ITGB8: variants seen among roughly 807,000 people sequenced by gnomAD.
ITGB8 encodes the protein integrin subunit beta 8.
ITGB8 carries 30 observed loss-of-function variants against 89.5 expected under a neutral mutation model. The ratio of observed to expected loss-of-function variants is 0.34; its 90% confidence interval spans 0.25 to 0.45. The LOEUF (loss-of-function observed/expected upper bound fraction) is 0.45. Ranked by LOEUF, ITGB8 falls within the 20% of genes least tolerant of loss-of-function variation. ITGB8 has a pLI of 1.00. For missense variants in ITGB8, 836 were observed against 933.3 expected, an observed-to-expected ratio of 0.90 and a Z score of 1.36; for synonymous variants, 335 against 320.4, an observed-to-expected ratio of 1.05 and a Z score of -0.49.
intron 8 of ITGB8, among the ~76,000 whole-genome samples, chr7:20,395,319 T>A (rs1422366513): frequency 6.6e-6 from 1 of 152,226 alleles, no homozygotes; most frequent in South Asian, 2.1e-4. Flanking sequence ...TCATTTCCTA[T>A]GCCGTAATGA....
intron 1 of ITGB8, chr7:20,346,891 A>AT: frequency 1.0e-6 from 1 of 976,930 alleles, no homozygotes; most frequent in Non-Finnish European, 1.2e-6. Context: ...ACTTTATGCT[A>AT]TGGTCTAAAT....
At chr7:20,339,191 GA>G (rs11296776) in intron 1 of ITGB8, among the ~76,000 whole-genome samples, 92,987 of 107,612 alleles carry the variant, frequency 0.86, 39,572 homozygotes, top group East Asian at 0.94. Flanking sequence ...ACTCCATCTC[GA>G]AAAAAAAAAA....
At chr7:20,405,342 CAG>C (rs1371511593) in intron 11 of ITGB8, among the ~76,000 whole-genome samples, 5 of 148,794 alleles carry the variant, frequency 3.4e-5, no homozygotes, top group African/African-American at 9.9e-5. Flanking sequence ...TTTTTTGTGA[CAG>C]AGTCTCGCTC....
At position 20,414,862 on chromosome 7, in the gene ITGB8, C is replaced by G. The variant is rs1787878126; in HGVS notation, c.*4865C>G. On this transcript the variant is annotated 3_prime_UTR_variant, in exon 14 of 14. Transcript: ENST00000222573. Reference sequence around the variant, plus strand: ...TAAAATTTATCTTTGTAAGCTAACTCTATTAATCAGGTTTCTTCTAGCCTC... The same window carrying G: ...TAAAATTTATCTTTGTAAGCTAACTGTATTAATCAGGTTTCTTCTAGCCTC... 6.6e-6 allele frequency: 1 copy of G among 152,532 alleles called. No individual in the cohort carries two copies. The highest frequency in any genetic ancestry group is 6.5e-5 in the Admixed American group (1 of 15,270). The allele number at this position is 152,532 out of a possible 1,614,324, so 9.4% of individuals were successfully genotyped here. A position where few individuals can be genotyped will look rare whatever the true frequency, so the allele number is the denominator to read the frequency against.
intron 1 of ITGB8, chr7:20,332,135 G>A (rs206198): frequency 0.44 from 511,057 of 1,154,244 alleles, 119,613 homozygotes; most frequent in African/African-American, 0.71. Flanking sequence ...GCGACAGCAA[G>A]GACTAATTAT....
At chr7:20,341,300 C>T (rs1042246456) in intron 1 of ITGB8, among the ~76,000 whole-genome samples, 1 of 152,100 alleles carries the variant, frequency 6.6e-6, no homozygotes, top group Admixed American at 6.6e-5. Context: ...GAAAATTCAT[C>T]TAGACAGTGG....
chr7:20,369,234 T>A (rs903506237), intron 3 of ITGB8, among the ~76,000 whole-genome samples: 1 of 152,194 alleles, frequency 6.6e-6, no homozygotes, highest in African/African-American at 2.4e-5. Context: ...TATAATAGAA[T>A]AGAAAAATAA....
At chr7:20,406,608 T>C (rs1320548937) in intron 12 of ITGB8, among the ~76,000 whole-genome samples, 2 of 152,176 alleles carry the variant, frequency 1.3e-5, no homozygotes, top group African/African-American at 4.8e-5. Flanking sequence ...ATTGCTTTAT[T>C]CTTTATAACA....
At chr7:20,336,775 G>A (rs1332525876) in intron 1 of ITGB8, among the ~76,000 whole-genome samples, 2 of 152,140 alleles carry the variant, frequency 1.3e-5, no homozygotes, top group Non-Finnish European at 2.9e-5. Flanking sequence ...CCTCCTTGAG[G>A]GAAGAAGCTG....
rs138593316 is a variant in ITGB8 at position 20,394,905 on chromosome 7, C to A, written c.1066C>A (p.Pro356Thr). ...CTGATATGTTTTATAGGATCTTCTA[C>A]CCCTCTTGCCAGGCACCATTGCTGG... ...KQFHWYKDLL[P>T]LLPGTIAGEI... The change falls in exon 8 of 14, where the codon CCC (proline) becomes ACC (threonine). Residue 356 changes from proline (P) to threonine (T), a missense_variant. By Grantham distance (38) the Pro-to-Thr change is conservative. Around this residue, in one of 5 missense-constraint regions of ITGB8, gnomAD observed 192 missense variants for 267.1 expected, o/e 0.72. Coordinates refer to ENST00000222573, the MANE Select transcript of ITGB8 (RefSeq NM_002214.3). The A allele has an allele frequency of 1.7e-5, 28 of 1,611,764 alleles. No homozygotes were observed. In the African/African-American group the frequency reaches 3.6e-4, roughly 21 times the overall value.
At chr7:20,337,361 C>A (rs1481839603) in intron 1 of ITGB8, among the ~76,000 whole-genome samples, 1 of 152,170 alleles carries the variant, frequency 6.6e-6, no homozygotes, top group Admixed American at 6.5e-5. Flanking sequence ...CCAAGCTATT[C>A]TAACTCCTTT....
At chr7:20,332,795 C>T (rs1784451532) in intron 1 of ITGB8, among the ~76,000 whole-genome samples, 1 of 152,112 alleles carries the variant, frequency 6.6e-6, no homozygotes, top group African/African-American at 2.4e-5. Context: ...GGTGGTATAC[C>T]AGATTGGATT....
At chr7:20,352,336 G>A (rs1479917521) in intron 1 of ITGB8, 1 of 152,146 alleles carries the variant, frequency 6.6e-6, no homozygotes, top group Non-Finnish European at 1.5e-5. Context: ...AAGACAAATT[G>A]AAGTATTCAG....
chr7:20,402,023 T>C lies in ITGB8; in HGVS notation c.1584T>C (p.Cys528=), dbSNP rs1356306284. Reference sequence around the variant, plus strand: ...GCAGTGGTCGAGGAGTTTGTGTTTGTGGGAAATGTTCATGTCACAAAATTA... The same window carrying C: ...GCAGTGGTCGAGGAGTTTGTGTTTGCGGGAAATGTTCATGTCACAAAATTA... ...PVCSGRGVCV[C]GKCSCHKIKL... Residue 528 remains cysteine (C), a synonymous_variant, in exon 10 of 14, where the codon TGT becomes TGC. Coordinates refer to ENST00000222573, the MANE Select transcript of ITGB8 (RefSeq NM_002214.3). The C allele has an allele frequency of 1.9e-6, 3 of 1,614,050 alleles. No homozygotes were observed. Among genetic ancestry groups the C allele is most frequent in the Non-Finnish European group, 2.5e-6 (3 of 1,180,028 alleles).
intron 1 of ITGB8, among the ~76,000 whole-genome samples, chr7:20,349,440 C>T (rs1785039842): frequency 6.6e-6 from 1 of 151,802 alleles, no homozygotes; most frequent in Admixed American, 6.6e-5. Flanking sequence ...CTTAAACTTA[C>T]ATTGGTATCA....
At chr7:20,376,194 C>T (rs1253452119) in intron 3 of ITGB8, among the ~76,000 whole-genome samples, 1 of 152,130 alleles carries the variant, frequency 6.6e-6, no homozygotes, top group Non-Finnish European at 1.5e-5. Context: ...TTTCTGCTGT[C>T]CTTTTCATGT....
At chr7:20,402,442 C>A (rs551603775) in intron 10 of ITGB8, among the ~76,000 whole-genome samples, 2 of 152,220 alleles carry the variant, frequency 1.3e-5, no homozygotes, top group East Asian at 3.9e-4. Flanking sequence ...ACACATTTTC[C>A]AGAAGAATCA....
At chr7:20,404,498 A>G (rs747806458) in intron 10 of ITGB8, 130 bp from the exon 11 acceptor site, 1 of 748,374 alleles carries the variant, frequency 1.3e-6, no homozygotes, top group Non-Finnish European at 2.3e-6. Context: ...ACCAATGAAA[A>G]AGTGATGCTG....
At chr7:20,343,795 C>A (rs986282057) in intron 1 of ITGB8, among the ~76,000 whole-genome samples, 1 of 152,156 alleles carries the variant, frequency 6.6e-6, no homozygotes, top group Non-Finnish European at 1.5e-5. Flanking sequence ...TCCTGGTCAC[C>A]TAGAGTGCCT....
Sources: gnomAD v4.1 joint callset for allele counts (sites outside exome capture counted in the v4.1 genomes callset) on GRCh38, gnomAD v4.1.1 for gene constraint, gnomAD v4.1.1 regional missense constraint, MANE v1.5 for transcripts, NCBI Gene and HGNC (gene_info 2026-07-23, HGNC 2026-07-21) for gene names.